Variants in SYNDIG1L observed in about 807,000 individuals in gnomAD.
SYNDIG1L encodes synapse differentiation inducing 1 like.
A neutral mutation model predicts 20.1 loss-of-function variants in SYNDIG1L; 13 were observed. That is an observed-to-expected ratio of 0.65 (90% CI 0.42 to 1.03). SYNDIG1L has a LOEUF of 1.03. Ranked by LOEUF, SYNDIG1L falls within the 50% of genes least tolerant of loss-of-function variation. The pLI, the probability that SYNDIG1L is intolerant of heterozygous loss-of-function variation, is 0.00. For synonymous variants in SYNDIG1L, 128 were observed against 129.3 expected (o/e 0.99, Z 0.07); for missense variants, 294 against 305.1 (o/e 0.96, Z 0.27).
chr14:74,431,678 T>C, the SYNDIG1L span, among the ~76,000 whole-genome samples: 2 of 152,072 alleles, frequency 1.3e-5, no homozygotes, highest in African/African-American at 4.8e-5. Flanking sequence ...ATCTTACTCA[T>C]CTGCATCATT....
At chr14:74,415,812 CAAAAGGATAGTGCTATCA>C (rs926218247) in intron 1 of SYNDIG1L, among the ~76,000 whole-genome samples, 4 of 151,424 alleles carry the variant, frequency 2.6e-5, no homozygotes, top group East Asian at 3.9e-4. Context: ...AAGTACTATC[CAAAAGGATAGTGCTATCA>C]AAAAGGAGGC....
intron 1 of SYNDIG1L, among the ~76,000 whole-genome samples, chr14:74,424,706 G>A (rs963643877): frequency 2.0e-5 from 3 of 152,136 alleles, no homozygotes; most frequent in Non-Finnish European, 2.9e-5. Flanking sequence ...AGAAGAGGGG[G>A]TAGGGGTGAC....
upstream of SYNDIG1L, among the ~76,000 whole-genome samples, chr14:74,430,766 A>AT (rs892654049): frequency 1.2e-3 from 158 of 129,974 alleles, no homozygotes; most frequent in African/African-American, 2.8e-3. Context: ...GCACACTACA[A>AT]TTTTTTTTTT....
Position 74,426,096 on chromosome 14 carries a change from C to A in SYNDIG1L, c.-242G>T, listed in dbSNP as rs1478742712. 1 of 149,184 alleles carries A rather than the reference C, an allele frequency of 6.7e-6. No individual in the cohort carries two copies. The highest frequency in any genetic ancestry group is 1.5e-5 in the Non-Finnish European group (1 of 66,594). 9.2% of individuals were successfully genotyped at this position (149,184 alleles called of 1,614,324 possible). ...CGGACAGCTCCCGCCCGCAGCCCGC[C>A]GCCGCCGCCCGCCCCGCCCCGCGCG... is the stretch of plus-strand genomic sequence containing the variant. On this transcript the variant is annotated 5_prime_UTR_variant, in exon 1 of 4. Coordinates refer to ENST00000331628, the MANE Select transcript of SYNDIG1L (RefSeq NM_001105579.2).
chr14:74,457,426 C>T, the SYNDIG1L span, among the ~76,000 whole-genome samples: 4 of 152,208 alleles, frequency 2.6e-5, no homozygotes, highest in Non-Finnish European at 5.9e-5. Context: ...GCCTGATTCA[C>T]CAAGAGCCAC....
upstream of SYNDIG1L, among the ~76,000 whole-genome samples, chr14:74,430,690 C>T (rs1280984133): frequency 6.6e-6 from 1 of 152,194 alleles, no homozygotes; most frequent in East Asian, 1.9e-4. Flanking sequence ...CCGCCTTGGC[C>T]TCCCAAAGTG....
At chr14:74,471,598 A>T in the SYNDIG1L span, among the ~76,000 whole-genome samples, 7 of 148,792 alleles carry the variant, frequency 4.7e-5, no homozygotes, top group Non-Finnish European at 7.4e-5. Context: ...ACCCTATCTC[A>T]CACACACACA....
the SYNDIG1L span, among the ~76,000 whole-genome samples, chr14:74,477,017 G>A: frequency 7.5e-6 from 1 of 133,228 alleles, no homozygotes; most frequent in Non-Finnish European, 1.6e-5. Flanking sequence ...ACTCAACCCT[G>A]TCTCCCCCCA....
At chr14:74,454,039 T>A in the SYNDIG1L span, among the ~76,000 whole-genome samples, 3 of 151,814 alleles carry the variant, frequency 2.0e-5, no homozygotes, top group Non-Finnish European at 4.4e-5. Context: ...ATAAGAAAGA[T>A]CAAGACAGCA....
intron 1 of SYNDIG1L, among the ~76,000 whole-genome samples, chr14:74,417,281 C>CAAAG (rs1169638460): frequency 6.6e-6 from 1 of 152,212 alleles, no homozygotes; most frequent in Admixed American, 6.5e-5. Flanking sequence ...AAACAGCTGG[C>CAAAG]CTGAACAGGA....
the SYNDIG1L span, among the ~76,000 whole-genome samples, chr14:74,468,145 G>T: frequency 6.6e-6 from 1 of 152,132 alleles, no homozygotes; most frequent in Non-Finnish European, 1.5e-5. Flanking sequence ...GACCTTGGGA[G>T]AGTTACTTTA....
chr14:74,466,302 C>A, the SYNDIG1L span, among the ~76,000 whole-genome samples: 23 of 152,246 alleles, frequency 1.5e-4, no homozygotes, highest in African/African-American at 5.3e-4. Context: ...GTGACCAGTT[C>A]AATGGAAAGC....
the SYNDIG1L span, among the ~76,000 whole-genome samples, chr14:74,473,113 G>A: frequency 6.6e-6 from 1 of 152,176 alleles, no homozygotes; most frequent in African/African-American, 2.4e-5. Flanking sequence ...TGGGCGCGGT[G>A]GCTCATGCTT....
the SYNDIG1L span, among the ~76,000 whole-genome samples, chr14:74,443,328 T>C: frequency 6.6e-6 from 1 of 152,044 alleles, no homozygotes. Context: ...TGATAAAAGG[T>C]CAAGTGAAAT....
chr14:74,440,969 GT>G, the SYNDIG1L span, among the ~76,000 whole-genome samples: 4,381 of 152,214 alleles, frequency 0.029, 77 homozygotes, highest in Middle Eastern at 0.044. Context: ...CTGAACCTCA[GT>G]TTTTTTATCT....
At chr14:74,461,429 G>A in the SYNDIG1L span, among the ~76,000 whole-genome samples, 1 of 152,124 alleles carries the variant, frequency 6.6e-6, no homozygotes, top group Non-Finnish European at 1.5e-5. Context: ...ATATCCTGCT[G>A]CCAAACAGAT....
At chr14:74,471,124 A>G in the SYNDIG1L span, among the ~76,000 whole-genome samples, 4 of 152,120 alleles carry the variant, frequency 2.6e-5, no homozygotes, top group Admixed American at 6.5e-5. Context: ...TGTTCTTCGT[A>G]CTTTCTGCTT....
chr14:74,436,718 G>A, the SYNDIG1L span, among the ~76,000 whole-genome samples: 1 of 151,926 alleles, frequency 6.6e-6, no homozygotes, highest in African/African-American at 2.4e-5. Context: ...GGCGTGGTGG[G>A]ACGCGCCTGC....
chr14:74,409,048 TTTTA>T (rs10642138), intron 2 of SYNDIG1L, among the ~76,000 whole-genome samples: 4,150 of 139,780 alleles, frequency 0.03, 144 homozygotes, highest in African/African-American at 0.078. Context: ...GGAACTTGCA[TTTTA>T]TTTATTTATT....
Sources: gnomAD v4.1 joint callset for allele counts (sites outside exome capture counted in the v4.1 genomes callset) on GRCh38, gnomAD v4.1.1 for gene constraint, MANE v1.5 for transcripts, NCBI Gene and HGNC (gene_info 2026-07-23, HGNC 2026-07-21) for gene names.